FBN2: variants seen among roughly 807,000 people sequenced by gnomAD.
The protein encoded by FBN2 is fibrillin 2, also known as fibrillin-2.
FBN2 carries 105 observed loss-of-function variants against 355.6 expected under a neutral mutation model. That is an observed-to-expected ratio of 0.30 (90% CI 0.25 to 0.35). The LOEUF (loss-of-function observed/expected upper bound fraction) is 0.35. FBN2 is among the 10% of genes least tolerant of loss of function. The pLI, the probability that FBN2 is intolerant of heterozygous loss-of-function variation, is 1.00. For synonymous variants in FBN2, 1,350 were observed against 1,301.2 expected, an observed-to-expected ratio of 1.04 and a Z score of -0.81; for missense variants, 3,280 against 3,758.7, an observed-to-expected ratio of 0.87 and a Z score of 3.33.
chr5:128,345,619 G>A (rs373759498), intron 23 of FBN2, 35 bp from the exon 24 acceptor site: 75 of 1,557,216 alleles, frequency 4.8e-5, no homozygotes, highest in Non-Finnish European at 6.4e-5. Flanking sequence ...GTGAGAATGA[G>A]TTGAAACATC....
intron 20 of FBN2, among the ~76,000 whole-genome samples, chr5:128,357,040 A>C (rs1445048203): frequency 6.6e-6 from 1 of 152,224 alleles, no homozygotes; most frequent in Non-Finnish European, 1.5e-5. Flanking sequence ...AAGTTATAGC[A>C]TAATATATCT....
At chr5:128,278,554 T>C (rs754139007) in intron 57 of FBN2, 81 bp downstream of exon 57, 105 of 1,274,430 alleles carry the variant, frequency 8.2e-5, no homozygotes, top group Non-Finnish European at 1.1e-4. Flanking sequence ...TTGTATCAAT[T>C]TTTCACTTTT....
chr5:128,318,625 A>G lies in FBN2; in HGVS notation c.4594+254T>C, dbSNP rs559557757. Among the ~76,000 whole-genome samples the G allele has an allele frequency of 1.5e-3, 225 of 152,122 alleles. 1 individual carries two copies. The highest frequency in any genetic ancestry group is 6.9e-3 in the Middle Eastern group (2 of 290). ...TATATATACATATACATGAACATAT[A>G]TATAAAGAGACACTTTACTAGTTTC... On this transcript the variant is annotated intron_variant, in intron 35 of 64. Transcript: ENST00000262464.
chr5:128,505,630 C>T (rs1755936783), intron 5 of FBN2, among the ~76,000 whole-genome samples: 1 of 152,170 alleles, frequency 6.6e-6, no homozygotes, highest in Non-Finnish European at 1.5e-5. Context: ...TCCTGCCTAT[C>T]CATACCTTTG....
rs369568420 is a variant in FBN2, at chr5:128,272,080, C to T, written c.7879G>A (p.Gly2627Ser). The change falls in exon 62 of 65, where the codon GGC becomes AGC. Residue 2627 changes from glycine (G) to serine (S), a missense_variant. Around this residue, in one of 6 missense-constraint regions of FBN2, gnomAD observed 2,284 missense variants for 2,749.5 expected, o/e 0.83. Coordinates refer to ENST00000262464, the MANE Select transcript of FBN2 (RefSeq NM_001999.4). ...ECDGNHRCQHGCQNILGGYRC... is the reference protein window; with the variant it reads ...ECDGNHRCQHSCQNILGGYRC... Reference sequence around the variant, plus strand: ...TAGCCACCCAGGATGTTCTGGCAGCCGTGTTGGCACCTGTGGTTCCCATCA... The same window carrying T: ...TAGCCACCCAGGATGTTCTGGCAGCTGTGTTGGCACCTGTGGTTCCCATCA... The T allele has an allele frequency of 1.2e-5, 20 of 1,613,876 alleles. No individual in the cohort carries two copies. Among genetic ancestry groups the T allele is most frequent in the African/African-American group, 6.7e-5 (5 of 74,894 alleles).
At chr5:128,310,191 A>G in intron 39 of FBN2, 83 bp from the exon 40 acceptor site, 2 of 1,210,370 alleles carry the variant, frequency 1.7e-6, no homozygotes, top group South Asian at 1.3e-5. Context: ...AACAAAGCAT[A>G]GGTGATTCTC....
At chr5:128,385,952 C>A (rs538960442) in intron 11 of FBN2, among the ~76,000 whole-genome samples, 3 of 152,030 alleles carry the variant, frequency 2.0e-5, no homozygotes, top group Non-Finnish European at 4.4e-5. Context: ...GTGTAGTTTG[C>A]AAATATTTTC....
At chr5:128,383,163 T>A (rs567070868) in intron 11 of FBN2, among the ~76,000 whole-genome samples, 3 of 152,084 alleles carry the variant, frequency 2.0e-5, no homozygotes, top group Non-Finnish European at 4.4e-5. Flanking sequence ...CCTAAGTAGG[T>A]GAGTCAGAGC....
At chr5:128,313,389 C>T (rs936153325) in intron 36 of FBN2, among the ~76,000 whole-genome samples, 1 of 152,248 alleles carries the variant, frequency 6.6e-6, no homozygotes, top group African/African-American at 2.4e-5. Flanking sequence ...TACCAATTGC[C>T]TATTTCATTT....
chr5:128,288,972 T>C (rs1316486102), intron 52 of FBN2, among the ~76,000 whole-genome samples, 155 bp downstream of exon 52: 2 of 152,232 alleles, frequency 1.3e-5, no homozygotes, highest in Non-Finnish European at 2.9e-5. Context: ...CAGGTCTGAC[T>C]GGAAAATGTA....
intron 34 of FBN2, among the ~76,000 whole-genome samples, chr5:128,320,567 ATTG>A (rs1750341267): frequency 6.6e-6 from 1 of 152,192 alleles, no homozygotes; most frequent in Non-Finnish European, 1.5e-5. Flanking sequence ...AAATAATGTA[ATTG>A]TTGTATAAAA....
At chr5:128,304,935 T>G in intron 45 of FBN2, 22 bp downstream of exon 45, 1 of 1,613,914 alleles carries the variant, frequency 6.2e-7, no homozygotes, top group Non-Finnish European at 8.5e-7. Context: ...CTTCACTCCC[T>G]GGAGCCACAT....
intron 11 of FBN2, among the ~76,000 whole-genome samples, chr5:128,379,516 C>T (rs908077993): frequency 6.6e-6 from 1 of 151,990 alleles, no homozygotes; most frequent in African/African-American, 2.4e-5. Flanking sequence ...TCTTTAGGAT[C>T]TTAAAATTGG....
chr5:128,410,800 C>A (rs1303150595), intron 7 of FBN2, among the ~76,000 whole-genome samples: 1 of 152,092 alleles, frequency 6.6e-6, no homozygotes, highest in Non-Finnish European at 1.5e-5. Flanking sequence ...ATGTGTTTCA[C>A]AATTCTCCTT....
chr5:128,304,237 G>T (rs1053247429), intron 45 of FBN2, among the ~76,000 whole-genome samples: 1 of 152,234 alleles, frequency 6.6e-6, no homozygotes, highest in Admixed American at 6.5e-5. Flanking sequence ...GCAAAGCACA[G>T]AAAGAAAACT....
intron 5 of FBN2, among the ~76,000 whole-genome samples, chr5:128,470,778 G>A (rs1222785326): frequency 6.6e-6 from 1 of 152,166 alleles, no homozygotes; most frequent in Non-Finnish European, 1.5e-5. Context: ...TGCCCATGTG[G>A]CTATAATATC....
chr5:128,307,226 T>C lies in FBN2; in HGVS notation c.5354-23A>G, dbSNP rs1347085915. On this transcript the variant is annotated intron_variant, in intron 41 of 64. Coordinates refer to ENST00000262464, the MANE Select transcript of FBN2 (RefSeq NM_001999.4). ...CAGCTTTAAAATATAAACAAAGCAA[T>C]GCACTCTTAAATTTCTCAAATTCCT... 5.1e-6 allele frequency: 7 copies of C among 1,377,670 alleles called. No individual in the cohort carries two copies. The East Asian group carries it at 1.1e-4, about 23-fold the overall frequency. The allele number at this position is 1,377,670 out of a possible 1,614,324, so 85.3% of individuals were successfully genotyped here. A position where few individuals can be genotyped will look rare whatever the true frequency, so the allele number is the denominator to read the frequency against.
intron 6 of FBN2, among the ~76,000 whole-genome samples, chr5:128,464,379 T>C (rs569615959): frequency 6.6e-6 from 1 of 152,232 alleles, no homozygotes; most frequent in Admixed American, 6.5e-5. Flanking sequence ...AGAGAAAAAA[T>C]AGGTTTTTCC....
intron 11 of FBN2, among the ~76,000 whole-genome samples, chr5:128,391,491 A>G (rs892063902): frequency 6.6e-6 from 1 of 152,178 alleles, no homozygotes; most frequent in Non-Finnish European, 1.5e-5. Flanking sequence ...CATTGTTGTT[A>G]TTTTTGAATA....
Sources: allele counts gnomAD v4.1 joint callset (sites outside exome capture counted in the v4.1 genomes callset), GRCh38; gene constraint gnomAD v4.1.1; regional missense constraint gnomAD v4.1.1; transcripts MANE v1.5; gene names NCBI Gene and HGNC (gene_info 2026-07-23, HGNC 2026-07-21).